The following PLCB1 variants were observed in gnomAD, a reference collection of about 807,000 sequenced individuals.
The protein encoded by PLCB1 is phospholipase C beta 1.
PLCB1 carries 46 observed loss-of-function variants against 161.8 expected under a neutral mutation model. The ratio of observed to expected loss-of-function variants is 0.28; its 90% CI spans 0.22 to 0.36. The LOEUF is 0.36. Among genes scored for constraint, PLCB1 ranks in the 10% least tolerant of loss-of-function variants. The probability of loss-of-function intolerance (pLI) is 1.00; values close to 1 mark genes in which losing one functional copy is unlikely to be tolerated. For missense variants in PLCB1, 1,016 were observed against 1,472.5 expected, an observed-to-expected ratio of 0.69 and a Z score of 5.07; for synonymous variants, 517 against 503.7, an observed-to-expected ratio of 1.03 and a Z score of -0.35.
intron 2 of PLCB1, among the ~76,000 whole-genome samples, chr20:8,283,895 C>T (rs998229904): frequency 5.9e-5 from 9 of 151,886 alleles, no homozygotes; most frequent in African/African-American, 1.9e-4. Flanking sequence ...TCTATATGAC[C>T]GTTATCTGTT....
intron 31 of PLCB1, among the ~76,000 whole-genome samples, chr20:8,874,442 G>T (rs1987711238): frequency 6.6e-6 from 1 of 151,758 alleles, no homozygotes. Context: ...TATATTTGAT[G>T]AATAAAAAGA....
chr20:8,658,827 C>G lies in PLCB1; in HGVS notation c.862+123C>G, dbSNP rs2076639. 2.1e-5 allele frequency: 16 copies of G among 776,742 alleles called. No individual in the cohort carries two copies. The South Asian group carries it at 2.5e-4, about 12-fold the overall frequency. The allele number at this position is 776,742 out of a possible 1,614,324, so 48.1% of individuals were successfully genotyped here. A position where few individuals can be genotyped will look rare whatever the true frequency, so the allele number is the denominator to read the frequency against. On this transcript the variant is annotated intron_variant, in intron 9 of 31. Transcript: ENST00000338037. ...TCCTCTGTTTACAAGGCATTCCTTT[C>G]GGTCTGAAATCACTTGGTGGTTCAG...
intron 2 of PLCB1, among the ~76,000 whole-genome samples, chr20:8,349,222 G>A (rs549353571): frequency 1.0e-3 from 155 of 152,230 alleles, no homozygotes; most frequent in African/African-American, 3.6e-3. Flanking sequence ...AGAGAACCTG[G>A]TTGTGAAGAT....
chr20:8,477,285 C>T (rs918690224), intron 3 of PLCB1, among the ~76,000 whole-genome samples: 7 of 152,110 alleles, frequency 4.6e-5, no homozygotes, highest in Admixed American at 6.5e-5. Context: ...GTAGAGTTGC[C>T]GCAGCAACTT....
chr20:8,865,485 T>C (rs1987396621), intron 31 of PLCB1, among the ~76,000 whole-genome samples: 2 of 152,214 alleles, frequency 1.3e-5, no homozygotes, highest in Non-Finnish European at 2.9e-5. Context: ...TATGTGAGAA[T>C]GTATTGGTTA....
chr20:8,429,187 T>C (rs1979925852), intron 3 of PLCB1, among the ~76,000 whole-genome samples: 1 of 152,198 alleles, frequency 6.6e-6, no homozygotes, highest in Non-Finnish European at 1.5e-5. Flanking sequence ...GCATTTTAGG[T>C]GTTAACCACC....
chr20:8,696,586 T>C (rs1322817853), intron 10 of PLCB1, among the ~76,000 whole-genome samples: 2 of 152,056 alleles, frequency 1.3e-5, no homozygotes, highest in East Asian at 1.9e-4. Flanking sequence ...TGGTGGGGAG[T>C]AGTGTCATCT....
chr20:8,141,518 G>A (rs904552737), intron 1 of PLCB1, among the ~76,000 whole-genome samples: 1 of 151,512 alleles, frequency 6.6e-6, no homozygotes, highest in East Asian at 1.9e-4. Context: ...GACCACTCGA[G>A]AGGCTGAGGC....
chr20:8,629,825 C>CTTTTCT lies in PLCB1; in HGVS notation c.384+1397_384+1398insTCTTTT, dbSNP rs11087813. ...TTTCTTTCTTTTCTTTCTTTTCTTT[C>CTTTTCT]TTTCTTTCTTTCTTTCTTTCTTTCT... On this transcript the variant is annotated intron_variant, in intron 4 of 31. Coordinates refer to ENST00000338037, the MANE Select transcript of PLCB1 (RefSeq NM_015192.4). Among the ~76,000 whole-genome samples the CTTTTCT allele has an allele frequency of 5.8e-4, 42 of 71,850 alleles. 1 individual carries two copies. The highest frequency in any genetic ancestry group is 1.8e-3 in the African/African-American group (32 of 18,062). 47.1% of individuals were successfully genotyped at this position (71,850 alleles called of 152,430 possible). A position where few individuals can be genotyped will look rare whatever the true frequency, so the allele number is the denominator to read the frequency against.
At chr20:8,404,702 A>G (rs1778152187) in intron 3 of PLCB1, among the ~76,000 whole-genome samples, 1 of 152,170 alleles carries the variant, frequency 6.6e-6, no homozygotes, top group South Asian at 2.1e-4. Flanking sequence ...TTCTTTTAGT[A>G]ATTCTTCCCC....
intron 3 of PLCB1, among the ~76,000 whole-genome samples, chr20:8,435,547 A>G (rs925196385): frequency 1.6e-4 from 25 of 152,188 alleles, no homozygotes; most frequent in Non-Finnish European, 1.5e-4. Flanking sequence ...AGAAGCCTAC[A>G]TATCAAGGAA....
intron 1 of PLCB1, among the ~76,000 whole-genome samples, chr20:8,143,742 G>A (rs2051426612): frequency 6.6e-6 from 1 of 152,182 alleles, no homozygotes; most frequent in South Asian, 2.1e-4. Flanking sequence ...AGCAGAATTA[G>A]CACAGGAGAG....
rs186587635 is a variant in PLCB1 at position 8,789,822 on chromosome 20, A to G, written c.3336+247A>G. Among the ~76,000 whole-genome samples the G allele has an allele frequency of 3.2e-4, 49 of 152,364 alleles. No individual in the cohort carries two copies. In the East Asian group the frequency reaches 7.7e-3, roughly 24 times the overall value. On this transcript the variant is annotated intron_variant, in intron 30 of 31. Coordinates refer to ENST00000338037, the MANE Select transcript of PLCB1 (RefSeq NM_015192.4). ...TTTCCAAAGTCAAGAGCCCAGAAAC[A>G]TATTGTAAATGATAGTGTTCCCAAA...
chr20:8,673,994 C>T (rs192267681), intron 9 of PLCB1, among the ~76,000 whole-genome samples: 78 of 152,152 alleles, frequency 5.1e-4, no homozygotes, highest in African/African-American at 1.8e-3. Context: ...AATTATCCCC[C>T]GGAAGCAGTC....
chr20:8,836,301 A>G (rs775492143), intron 31 of PLCB1, among the ~76,000 whole-genome samples: 27 of 152,184 alleles, frequency 1.8e-4, no homozygotes, highest in Non-Finnish European at 3.4e-4. Flanking sequence ...CATTTTTTCA[A>G]TCTATACATA....
chr20:8,838,904 T>G (rs947424705), intron 31 of PLCB1, among the ~76,000 whole-genome samples: 12 of 152,244 alleles, frequency 7.9e-5, no homozygotes, highest in African/African-American at 2.7e-4. Context: ...AATGCCTTTA[T>G]TTCCATCCTT....
At chr20:8,220,178 A>T (rs548800017) in intron 2 of PLCB1, among the ~76,000 whole-genome samples, 2 of 152,312 alleles carry the variant, frequency 1.3e-5, no homozygotes, top group South Asian at 2.1e-4. Flanking sequence ...ATCATCCAAA[A>T]ACTGCGATTG....
At chr20:8,538,945 C>T (rs1380333863) in intron 3 of PLCB1, among the ~76,000 whole-genome samples, 2 of 151,914 alleles carry the variant, frequency 1.3e-5, no homozygotes, top group African/African-American at 4.8e-5. Flanking sequence ...AGGCGCCTGC[C>T]ACCACGCCAG....
chr20:8,290,265 G>A (rs1474039029), intron 2 of PLCB1, among the ~76,000 whole-genome samples: 1 of 152,202 alleles, frequency 6.6e-6, no homozygotes, highest in Non-Finnish European at 1.5e-5. Context: ...GGTTCCCCCA[G>A]GAGGAGATTC....
Sources: gnomAD v4.1 joint callset for allele counts (sites outside exome capture counted in the v4.1 genomes callset) on GRCh38, gnomAD v4.1.1 for gene constraint, MANE v1.5 for transcripts, NCBI Gene and HGNC (gene_info 2026-07-23, HGNC 2026-07-21) for gene names.